The following CHN1 variants were observed in gnomAD, a reference collection of about 807,000 sequenced individuals.
The protein encoded by CHN1 is N-chimaerin.
In CHN1, 37 loss-of-function variants were observed where a neutral mutation model predicts 59.5. The observed-to-expected ratio is 0.62, with a 90% CI of 0.48 to 0.82. The LOEUF is 0.82. CHN1 is among the 40% of genes least tolerant of loss of function. CHN1 has a pLI of 0.00. For synonymous variants in CHN1, 206 were observed against 200.4 expected (o/e 1.03, Z -0.24); for missense variants, 469 against 571.0 (o/e 0.82, Z 1.82).
intron 6 of CHN1, among the ~76,000 whole-genome samples, chr2:174,875,611 C>G (rs1327689058): frequency 1.3e-5 from 2 of 152,210 alleles, no homozygotes; most frequent in African/African-American, 4.8e-5. Context: ...AATTCCAACA[C>G]TAGTATCTTT....
At chr2:174,843,503 C>T (rs1290583256) in intron 7 of CHN1, among the ~76,000 whole-genome samples, 1 of 152,078 alleles carries the variant, frequency 6.6e-6, no homozygotes, top group Non-Finnish European at 1.5e-5. Context: ...TCCCAAAGTG[C>T]TGGGATTACA....
intron 11 of CHN1, among the ~76,000 whole-genome samples, chr2:174,806,713 G>C (rs970475021): frequency 6.6e-6 from 1 of 152,042 alleles, no homozygotes; most frequent in African/African-American, 2.4e-5. Context: ...TAAAGTGCTC[G>C]GCAGGATTCA....
intron 2 of CHN1, among the ~76,000 whole-genome samples, chr2:174,950,456 G>A (rs543491177): frequency 1.6e-3 from 249 of 151,800 alleles, no homozygotes; most frequent in African/African-American, 5.6e-3. Context: ...TAGTAGAGAC[G>A]GGTTTCACCA....
intron 7 of CHN1, among the ~76,000 whole-genome samples, chr2:174,843,212 G>C (rs1158789810): frequency 6.6e-6 from 1 of 151,894 alleles, no homozygotes; most frequent in African/African-American, 2.4e-5. Context: ...TGTAGTGCAT[G>C]AAAAATGTAG....
intron 5 of CHN1, among the ~76,000 whole-genome samples, chr2:174,880,549 A>G (rs1405376069): frequency 1.3e-5 from 2 of 152,178 alleles, no homozygotes; most frequent in Non-Finnish European, 2.9e-5. Context: ...AAAGGGGGAG[A>G]TTCCAAATCT....
chr2:174,971,255 T>C (rs1470594555), intron 1 of CHN1, among the ~76,000 whole-genome samples: 1 of 152,126 alleles, frequency 6.6e-6, no homozygotes, highest in Non-Finnish European at 1.5e-5. Context: ...GAGGCGGAGC[T>C]TGCAGTGAGC....
intron 6 of CHN1, among the ~76,000 whole-genome samples, chr2:174,861,699 T>C (rs1687073113): frequency 6.6e-6 from 1 of 152,222 alleles, no homozygotes; most frequent in Non-Finnish European, 1.5e-5. Flanking sequence ...GAGAAAATTT[T>C]GATAACATAG....
intron 5 of CHN1, among the ~76,000 whole-genome samples, chr2:174,908,270 T>A (rs758508426): frequency 6.6e-6 from 1 of 152,190 alleles, no homozygotes; most frequent in African/African-American, 2.4e-5. Context: ...CTTTTAAATA[T>A]CAGTTCTCCA....
intron 3 of CHN1, among the ~76,000 whole-genome samples, chr2:174,932,363 T>A (rs1411862736): frequency 6.6e-6 from 1 of 152,208 alleles, no homozygotes; most frequent in African/African-American, 2.4e-5. Context: ...AGGATTTAAG[T>A]TGGCAAAAAG....
Position 174,799,864 on chromosome 2 carries a change from G to C in CHN1, c.*252C>G. Reference sequence around the variant, plus strand: ...ATGGGGTTTCCTTGCCAGATAGGGGGCTAATCATGCAATAGCTTGAGTTTC... The same window carrying C: ...ATGGGGTTTCCTTGCCAGATAGGGGCCTAATCATGCAATAGCTTGAGTTTC... On this transcript the variant is annotated 3_prime_UTR_variant, in exon 13 of 13. Coordinates refer to ENST00000409900, the MANE Select transcript of CHN1 (RefSeq NM_001822.7). 1 of 597,554 alleles carries C rather than the reference G, an allele frequency of 1.7e-6. No individual in the cohort carries two copies. The highest frequency in any genetic ancestry group is 3.1e-6 in the Non-Finnish European group (1 of 319,354). 37.0% of individuals were successfully genotyped at this position (597,554 alleles called of 1,614,324 possible). A position where few individuals can be genotyped will look rare whatever the true frequency, so the allele number is the denominator to read the frequency against.
At chr2:174,926,507 AC>A (rs1689166097) in intron 3 of CHN1, among the ~76,000 whole-genome samples, 1 of 152,134 alleles carries the variant, frequency 6.6e-6, no homozygotes, top group Non-Finnish European at 1.5e-5. Context: ...GTTGACTTTC[AC>A]CCTGGCATTG....
At chr2:174,823,099 G>C (rs949453437) in intron 8 of CHN1, among the ~76,000 whole-genome samples, 1 of 152,116 alleles carries the variant, frequency 6.6e-6, no homozygotes. Flanking sequence ...TCAGACCCCA[G>C]AAATTTCTGC....
chr2:174,828,209 A>C (rs1685756986), intron 7 of CHN1, among the ~76,000 whole-genome samples: 1 of 152,150 alleles, frequency 6.6e-6, no homozygotes, highest in Admixed American at 6.5e-5. Context: ...GAGTTTTGGC[A>C]AAGTGGGGAA....
chr2:174,957,146 T>A (rs1690233335), intron 1 of CHN1, among the ~76,000 whole-genome samples: 1 of 152,196 alleles, frequency 6.6e-6, no homozygotes, highest in Non-Finnish European at 1.5e-5. Context: ...AAAAGATGTA[T>A]CACAGCCTTC....
In CHN1 at chr2:174,976,531, C is replaced by T. The variant is rs562505219; in HGVS notation, c.20-24329G>A. 2.3e-3 allele frequency among the ~76,000 whole-genome samples: 353 copies of T among 152,264 alleles called. 1 individual carries two copies. The highest frequency in any genetic ancestry group is 8.1e-3 in the African/African-American group (336 of 41,560). ...TGGATTACAGGCATGAGCCACCGCACCCAGCTGCTTCTGGTTTTGCTTGCA... is the reference window on the plus strand; with the variant it reads ...TGGATTACAGGCATGAGCCACCGCATCCAGCTGCTTCTGGTTTTGCTTGCA... On this transcript the variant is annotated intron_variant, in intron 1 of 12. Coordinates refer to ENST00000409900, the MANE Select transcript of CHN1 (RefSeq NM_001822.7).
intron 3 of CHN1, among the ~76,000 whole-genome samples, chr2:174,943,693 G>A (rs1174599627): frequency 6.6e-6 from 1 of 151,748 alleles, no homozygotes; most frequent in African/African-American, 2.4e-5. Flanking sequence ...ATATTATTAT[G>A]ATAATAATTA....
intron 1 of CHN1, among the ~76,000 whole-genome samples, chr2:175,000,741 G>C (rs1691865678): frequency 6.6e-6 from 1 of 152,106 alleles, no homozygotes; most frequent in Admixed American, 6.5e-5. Flanking sequence ...ACTGCACCCA[G>C]GCTTTATTAT....
At chr2:175,004,854 C>T (rs1468313030) in intron 1 of CHN1, 40 bp downstream of exon 1, 5 of 1,342,354 alleles carry the variant, frequency 3.7e-6, no homozygotes, top group Admixed American at 5.1e-5. Context: ...CCCCGGGACG[C>T]GGCCCACCTG....
At chr2:174,974,715 T>C (rs1690865872) in intron 1 of CHN1, among the ~76,000 whole-genome samples, 2 of 152,032 alleles carry the variant, frequency 1.3e-5, no homozygotes, top group Admixed American at 1.3e-4. Context: ...TAAAGGTAAA[T>C]AAAATAAAGG....
Sources: gnomAD v4.1 joint callset for allele counts (sites outside exome capture counted in the v4.1 genomes callset) on GRCh38, gnomAD v4.1.1 for gene constraint, MANE v1.5 for transcripts, NCBI Gene and HGNC (gene_info 2026-07-23, HGNC 2026-07-21) for gene names.